The following LGR4 variants were observed in gnomAD, a reference collection of about 807,000 sequenced individuals.
LGR4 encodes the protein leucine-rich repeat-containing G protein-coupled receptor 4.
LGR4 carries 44 observed loss-of-function variants against 84.8 expected under a neutral mutation model. The ratio of observed to expected loss-of-function variants is 0.52; its 90% CI spans 0.41 to 0.67. The LOEUF is 0.67. Among genes scored for constraint, LGR4 ranks in the 30% least tolerant of loss-of-function variants. The pLI is 0.00. For synonymous variants in LGR4, 429 were observed against 434.3 expected, an observed-to-expected ratio of 0.99 and a Z score of 0.15; for missense variants, 1,032 against 1,131.4, an observed-to-expected ratio of 0.91 and a Z score of 1.26.
At chr11:27,379,046 C>G in intron 10 of LGR4, 1 of 420,940 alleles carries the variant, frequency 2.4e-6, no homozygotes, top group Admixed American at 4.3e-5. Flanking sequence ...TCTACAGTCA[C>G]ACAGTCTGAT....
intron 12 of LGR4, among the ~76,000 whole-genome samples, 173 bp downstream of exon 12, chr11:27,376,985 A>G (rs1471026447): frequency 6.6e-6 from 1 of 152,202 alleles, no homozygotes; most frequent in Non-Finnish European, 1.5e-5. Context: ...TAAGTGCCTA[A>G]TACATGCTGG....
In LGR4 at chr11:27,368,118, G is replaced by C; in HGVS notation, c.2605C>G (p.Pro869Ala). 6.2e-7 allele frequency: 1 copy of C among 1,614,130 alleles called. No individual in the cohort carries two copies. The highest frequency in any genetic ancestry group is 8.5e-7 in the Non-Finnish European group (1 of 1,180,026). The change falls in exon 18 of 18, where the codon CCA becomes GCA. Residue 869 changes from proline (P) to alanine (A), a missense_variant. Transcript: ENST00000379214. Reference protein sequence around the residue: ...DCCESFLLTKPVSCKHLIKSH... With the variant: ...DCCESFLLTKAVSCKHLIKSH... ...TTTATCAAGTGTTTGCATGATACTGGCTTTGTTAAAAGAAACGATTCGCAG... is the reference window on the plus strand; with the variant it reads ...TTTATCAAGTGTTTGCATGATACTGCCTTTGTTAAAAGAAACGATTCGCAG...
At chr11:27,382,124 G>C (rs1863106741) in intron 7 of LGR4, 64 bp downstream of exon 7, 6 of 1,049,156 alleles carry the variant, frequency 5.7e-6, no homozygotes, top group Admixed American at 1.9e-5. Context: ...AAATCCCATT[G>C]TTGGAACATT....
chr11:27,466,265 G>A (rs905688312), intron 1 of LGR4, among the ~76,000 whole-genome samples: 1 of 152,070 alleles, frequency 6.6e-6, no homozygotes, highest in African/African-American at 2.4e-5. Context: ...ATAGAGAAAA[G>A]GCAGGAGACA....
intron 2 of LGR4, among the ~76,000 whole-genome samples, chr11:27,403,670 A>G (rs969622280): frequency 6.6e-6 from 1 of 152,230 alleles, no homozygotes; most frequent in Non-Finnish European, 1.5e-5. Flanking sequence ...ATACTCAGAG[A>G]AAAGTTTGGA....
At chr11:27,383,987 GA>G (rs1271828135) in intron 6 of LGR4, among the ~76,000 whole-genome samples, 1 of 152,080 alleles carries the variant, frequency 6.6e-6, no homozygotes, top group Non-Finnish European at 1.5e-5. Flanking sequence ...TGAGATCATG[GA>G]AAAAATAACA....
chr11:27,440,046 T>C lies in LGR4; in HGVS notation c.186-27186A>G, dbSNP rs370446055. ...TCAGCCTCCCAAGTAGCTGAGATTA[T>C]AGGCACCCACCACCACGCCCAGCTA... On this transcript the variant is annotated intron_variant, in intron 1 of 17. Coordinates refer to ENST00000379214, the MANE Select transcript of LGR4 (RefSeq NM_018490.5). 9.2e-5 allele frequency among the ~76,000 whole-genome samples: 14 copies of C among 151,972 alleles called. No individual in the cohort carries two copies. The East Asian group carries it at 2.5e-3, about 27-fold the overall frequency.
intron 15 of LGR4, among the ~76,000 whole-genome samples, chr11:27,372,792 C>T (rs2133362015): frequency 6.6e-6 from 1 of 152,148 alleles, no homozygotes; most frequent in South Asian, 2.1e-4. Flanking sequence ...GACTTTATAC[C>T]ATTAAATATA....
At chr11:27,459,480 C>A (rs951351612) in intron 1 of LGR4, among the ~76,000 whole-genome samples, 23 of 141,718 alleles carry the variant, frequency 1.6e-4, no homozygotes, top group African/African-American at 5.9e-4. Flanking sequence ...AGGGCAAATT[C>A]TTTTTTTTTT....
intron 1 of LGR4, among the ~76,000 whole-genome samples, chr11:27,447,081 T>C (rs1428696915): frequency 2.6e-5 from 4 of 152,180 alleles, no homozygotes; most frequent in African/African-American, 9.6e-5. Context: ...ATATACCTAA[T>C]GTAAACGACA....
rs575907598 is a variant in LGR4, at chr11:27,372,267, A to C, written c.1495+16T>G. On this transcript the variant is annotated intron_variant, in intron 16 of 17. Transcript: ENST00000379214. Reference sequence around the variant, plus strand: ...CCTTAAAGGAGTGTTCTATTTTTTGAAACTCATGCACTTGCCTTTCTCCTG... The same window carrying C: ...CCTTAAAGGAGTGTTCTATTTTTTGCAACTCATGCACTTGCCTTTCTCCTG... 36 of 1,442,338 alleles carry C rather than the reference A, an allele frequency of 2.5e-5. No homozygotes were observed. The highest frequency in any genetic ancestry group is 3.5e-5 in the Non-Finnish European group (36 of 1,024,390). The allele number at this position is 1,442,338 out of a possible 1,614,324, so 89.3% of individuals were successfully genotyped here.
chr11:27,407,612 T>C (rs542694570), intron 2 of LGR4, among the ~76,000 whole-genome samples: 1 of 152,278 alleles, frequency 6.6e-6, no homozygotes, highest in Non-Finnish European at 1.5e-5. Context: ...TAAAATGAAT[T>C]ATTGAAACAC....
At chr11:27,382,139 G>A in intron 7 of LGR4, 49 bp downstream of exon 7, 8 of 1,190,304 alleles carry the variant, frequency 6.7e-6, no homozygotes, top group Non-Finnish European at 8.7e-6. Context: ...AACATTAAAT[G>A]GTGAGTTTCA....
chr11:27,373,675 C>T lies in LGR4; in HGVS notation c.1255G>A (p.Asp419Asn). The T allele has an allele frequency of 6.4e-7, 1 of 1,569,340 alleles. No homozygotes were observed. The highest frequency in any genetic ancestry group is 1.4e-5 in the African/African-American group (1 of 73,354). Reference sequence around the variant, plus strand: ...GAAGTTAATTCATTGAAACTTACATCTCTAAAATATGAATGAGACTTCAAG... The same window carrying T: ...GAAGTTAATTCATTGAAACTTACATTTCTAAAATATGAATGAGACTTCAAG... Reference protein sequence around the residue: ...FATLGPITNLDVSFNELTSFP... With the variant: ...FATLGPITNLNVSFNELTSFP... Residue 419 changes from aspartate to asparagine, a missense_variant and splice_region_variant, in exon 15 of 18, where the codon GAT becomes AAT. Asp to Asn is a conservative substitution (Grantham distance 23, BLOSUM62 1). Coordinates refer to ENST00000379214, the MANE Select transcript of LGR4 (RefSeq NM_018490.5).
intron 1 of LGR4, among the ~76,000 whole-genome samples, chr11:27,470,135 T>C (rs1251411496): frequency 6.6e-6 from 1 of 152,112 alleles, no homozygotes; most frequent in Non-Finnish European, 1.5e-5. Context: ...CCACCAAAGC[T>C]CAGAAAGTGC....
chr11:27,406,980 C>A (rs1030513472), intron 2 of LGR4, among the ~76,000 whole-genome samples: 1 of 151,986 alleles, frequency 6.6e-6, no homozygotes, highest in Non-Finnish European at 1.5e-5. Context: ...TCTGAACAAC[C>A]CAGGAAGACT....
intron 6 of LGR4, among the ~76,000 whole-genome samples, chr11:27,383,112 T>G (rs1432023327): frequency 1.3e-5 from 2 of 152,216 alleles, no homozygotes; most frequent in Non-Finnish European, 2.9e-5. Flanking sequence ...TTATTGGGAA[T>G]TTTACATTAG....
At chr11:27,404,520 T>C (rs1044148739) in intron 2 of LGR4, among the ~76,000 whole-genome samples, 4 of 152,196 alleles carry the variant, frequency 2.6e-5, no homozygotes, top group South Asian at 2.1e-4. Context: ...TAGATCCTAG[T>C]GGCCAGTGAA....
intron 9 of LGR4, 80 bp from the exon 10 acceptor site, chr11:27,380,419 G>A (rs1863070698): frequency 9.9e-7 from 1 of 1,009,134 alleles, no homozygotes; most frequent in Non-Finnish European, 1.5e-6. Context: ...AAATTACAGT[G>A]CAACTATAAC....
Sources: gnomAD v4.1 joint callset for allele counts (sites outside exome capture counted in the v4.1 genomes callset) on GRCh38, gnomAD v4.1.1 for gene constraint, MANE v1.5 for transcripts, NCBI Gene and HGNC (gene_info 2026-07-23, HGNC 2026-07-21) for gene names.